IQCM: variants seen among roughly 807,000 people sequenced by gnomAD.
IQCM encodes the protein IQ motif containing M, also known as IQ domain-containing protein M.
IQCM carries 45 observed loss-of-function variants against 57.6 expected under a neutral mutation model. The ratio of observed to expected loss-of-function variants is 0.78; its 90% CI spans 0.62 to 1.00. The LOEUF is 1.00. Ranked by LOEUF, IQCM falls within the 50% of genes least tolerant of loss-of-function variation. The probability of loss-of-function intolerance (pLI) is 0.00; values close to 1 mark genes in which losing one functional copy is unlikely to be tolerated. For synonymous variants in IQCM, 148 were observed against 158.9 expected, an observed-to-expected ratio of 0.93 and a Z score of 0.51; for missense variants, 468 against 511.6, an observed-to-expected ratio of 0.91 and a Z score of 0.82.
intron 2 of IQCM, chr4:149,793,811 A>G (rs546764115): frequency 1.3e-5 from 2 of 152,384 alleles, no homozygotes; most frequent in East Asian, 3.9e-4. Context: ...AAAAGGCAAA[A>G]GCATGAATAT....
intron 12 of IQCM, among the ~76,000 whole-genome samples, chr4:149,458,680 A>T (rs1441627508): frequency 6.6e-6 from 1 of 152,124 alleles, no homozygotes; most frequent in Non-Finnish European, 1.5e-5. Flanking sequence ...ATGTTCTTAT[A>T]GACAAGTTAG....
chr4:149,809,305 A>G (rs1774350927), intron 2 of IQCM, among the ~76,000 whole-genome samples: 1 of 152,050 alleles, frequency 6.6e-6, no homozygotes. Flanking sequence ...TCAGACAAAT[A>G]CTGGTGTCAC....
chr4:149,358,288 C>T (rs1729159299), intron 13 of IQCM, among the ~76,000 whole-genome samples: 1 of 152,154 alleles, frequency 6.6e-6, no homozygotes, highest in South Asian at 2.1e-4. Context: ...CCTCTGCTAG[C>T]TTTTGAATGT....
chr4:149,454,773 T>C (rs901145084), intron 12 of IQCM, among the ~76,000 whole-genome samples: 5 of 151,970 alleles, frequency 3.3e-5, no homozygotes, highest in African/African-American at 1.2e-4. Context: ...TATGATTCCA[T>C]TTATGTGAAA....
At chr4:149,571,120 T>G (rs1190610859) in intron 9 of IQCM, among the ~76,000 whole-genome samples, 1 of 152,074 alleles carries the variant, frequency 6.6e-6, no homozygotes, top group Non-Finnish European at 1.5e-5. Flanking sequence ...GAATACCATT[T>G]AATCCAGCTA....
At chr4:149,769,619 T>TA (rs145913583) in intron 2 of IQCM, among the ~76,000 whole-genome samples, 1 of 148,838 alleles carries the variant, frequency 6.7e-6, no homozygotes, top group South Asian at 2.1e-4. Flanking sequence ...GTAATCAAAA[T>TA]AAAAAAATGG....
At chr4:149,777,756 A>C (rs1362439068) in intron 2 of IQCM, among the ~76,000 whole-genome samples, 1 of 152,212 alleles carries the variant, frequency 6.6e-6, no homozygotes, top group Non-Finnish European at 1.5e-5. Context: ...TAAAATAAGC[A>C]TTGGAAGACT....
chr4:149,604,063 T>C (rs1426468602), intron 8 of IQCM, among the ~76,000 whole-genome samples: 2 of 152,114 alleles, frequency 1.3e-5, no homozygotes, highest in African/African-American at 4.8e-5. Context: ...TTTCATAATA[T>C]ATATAAAGGT....
chr4:149,694,936 C>A (rs1314247428), intron 5 of IQCM, among the ~76,000 whole-genome samples: 3 of 152,044 alleles, frequency 2.0e-5, no homozygotes, highest in African/African-American at 7.2e-5. Context: ...TTTTAAGACC[C>A]ACTATTTAAA....
At chr4:149,393,830 A>T (rs1732033723) in intron 13 of IQCM, among the ~76,000 whole-genome samples, 1 of 152,026 alleles carries the variant, frequency 6.6e-6, no homozygotes, top group South Asian at 2.1e-4. Flanking sequence ...GCTGCTTAAA[A>T]TTTTTTCTGA....
At chr4:149,810,471 A>G (rs570498620) in intron 2 of IQCM, among the ~76,000 whole-genome samples, 1 of 151,632 alleles carries the variant, frequency 6.6e-6, no homozygotes, top group South Asian at 2.1e-4. Flanking sequence ...TTTCTTTGAG[A>G]CAGAGTCTTG....
chr4:149,405,585 AC>A, intron 13 of IQCM, among the ~76,000 whole-genome samples: 1 of 151,906 alleles, frequency 6.6e-6, no homozygotes, highest in East Asian at 1.9e-4. Flanking sequence ...GTAATAGCTG[AC>A]CCTCAAAGAC....
intron 2 of IQCM, among the ~76,000 whole-genome samples, chr4:149,786,232 G>T (rs1288309281): frequency 6.6e-6 from 1 of 152,172 alleles, no homozygotes; most frequent in East Asian, 1.9e-4. Context: ...TGCCTGGAGG[G>T]AATTTCTGGC....
chr4:149,663,469 TA>T (rs1561124395), intron 7 of IQCM, among the ~76,000 whole-genome samples: 2 of 152,112 alleles, frequency 1.3e-5, no homozygotes, highest in African/African-American at 4.8e-5. Flanking sequence ...GCATTTCTTG[TA>T]AGGCTAGGCT....
rs534301415 is a variant in IQCM at position 149,556,325 on chromosome 4, A to G, written c.949-3038T>C. The stretch of plus-strand genomic sequence containing the variant: ...CTTTTTTTTTTTTCTTAAGTAATTT[A>G]TTCATTGTTTGGAGAATTCCGCCAT... On this transcript the variant is annotated intron_variant, in intron 10 of 13. Transcript: ENST00000636793. Among the ~76,000 whole-genome samples, 391 of 145,208 alleles carry G rather than the reference A, an allele frequency of 2.7e-3. 3 individuals are homozygous for G. Among genetic ancestry groups the G allele is most frequent in the Non-Finnish European group, 4.1e-3 (271 of 65,944 alleles).
At chr4:149,424,028 C>T (rs566657128) in intron 13 of IQCM, among the ~76,000 whole-genome samples, 1 of 151,954 alleles carries the variant, frequency 6.6e-6, no homozygotes, top group African/African-American at 2.4e-5. Flanking sequence ...CATAGCTTAG[C>T]TGCTATAGTA....
intron 12 of IQCM, among the ~76,000 whole-genome samples, chr4:149,528,013 T>C (rs1231250734): frequency 1.3e-5 from 2 of 151,240 alleles, no homozygotes; most frequent in East Asian, 3.9e-4. Flanking sequence ...TGAGACTGAG[T>C]TTTGCTCTAT....
intron 13 of IQCM, among the ~76,000 whole-genome samples, chr4:149,390,795 A>C (rs1355925530): frequency 6.6e-6 from 1 of 151,888 alleles, no homozygotes; most frequent in Admixed American, 6.6e-5. Context: ...TCTTTTTTAC[A>C]AGCCACCGGA....
At chr4:149,627,312 T>C (rs1756900656) in intron 7 of IQCM, among the ~76,000 whole-genome samples, 1 of 152,176 alleles carries the variant, frequency 6.6e-6, no homozygotes, top group Non-Finnish European at 1.5e-5. Flanking sequence ...GAACCAGGCA[T>C]TGACACCTGA....
Sources: allele counts gnomAD v4.1 joint callset (sites outside exome capture counted in the v4.1 genomes callset), GRCh38; gene constraint gnomAD v4.1.1; transcripts MANE v1.5; gene names NCBI Gene and HGNC (gene_info 2026-07-23, HGNC 2026-07-21).